KCNN3: variants seen among roughly 807,000 people sequenced by gnomAD.
KCNN3 encodes the protein potassium calcium-activated channel subfamily N member 3.
Under a neutral mutation model 62.9 loss-of-function variants are expected in KCNN3, and 16 were observed. That is an observed-to-expected ratio of 0.25 (90% CI 0.17 to 0.39). The LOEUF is 0.39. KCNN3 is among the 10% of genes least tolerant of loss of function. The pLI, the probability that KCNN3 is intolerant of heterozygous loss-of-function variation, is 1.00. For synonymous variants in KCNN3, 370 were observed against 389.2 expected, an observed-to-expected ratio of 0.95 and a Z score of 0.58; for missense variants, 599 against 949.4, an observed-to-expected ratio of 0.63 and a Z score of 4.85.
At chr1:154,725,725 A>G (rs539362520) in intron 5 of KCNN3, among the ~76,000 whole-genome samples, 191 bp downstream of exon 5, 1 of 152,082 alleles carries the variant, frequency 6.6e-6, no homozygotes, top group South Asian at 2.1e-4. Context: ...CTGTATTTTT[A>G]GTAGAGATGG....
chr1:154,815,315 G>A (rs1650616255), intron 2 of KCNN3, among the ~76,000 whole-genome samples: 1 of 152,224 alleles, frequency 6.6e-6, no homozygotes, highest in Admixed American at 6.5e-5. Context: ...GACAGGCACA[G>A]CTTCCTTCTC....
chr1:154,824,689 T>G (rs1651035612), intron 1 of KCNN3, among the ~76,000 whole-genome samples: 1 of 152,246 alleles, frequency 6.6e-6, no homozygotes, highest in African/African-American at 2.4e-5. Context: ...TTCAGCCCCT[T>G]ATTTATTTCT....
At chr1:154,731,436 T>A (rs988316306) in intron 4 of KCNN3, among the ~76,000 whole-genome samples, 1 of 152,196 alleles carries the variant, frequency 6.6e-6, no homozygotes, top group Admixed American at 6.5e-5. Context: ...GGAGAGAGCC[T>A]GGCCCCTCCT....
chr1:154,761,015 C>A (rs774036591), intron 3 of KCNN3, among the ~76,000 whole-genome samples: 6 of 152,250 alleles, frequency 3.9e-5, no homozygotes, highest in Non-Finnish European at 7.3e-5. Context: ...ACTTTCCACC[C>A]CGCGTTGATG....
In KCNN3 at chr1:154,772,941, A is replaced by C. The variant is rs57482361; in HGVS notation, c.1030-548T>G. On this transcript the variant is annotated intron_variant, in intron 2 of 7. Transcript: ENST00000271915. This position sits in a 1 kb window ranked among gnomAD's most constrained non-coding sequence, Gnocchi z 5.6. ...AGGTTGAGTTGATCACCAATGGCCA[A>C]TGATGTCATCAATTATGTCGGTGTA... Among the ~76,000 whole-genome samples the C allele has an allele frequency of 6.6e-6, 1 of 152,096 alleles. No individual in the cohort carries two copies. The highest frequency in any genetic ancestry group is 1.5e-5 in the Non-Finnish European group (1 of 68,020).
intron 2 of KCNN3, among the ~76,000 whole-genome samples, chr1:154,787,076 G>A (rs537609947): frequency 6.2e-4 from 95 of 152,328 alleles, no homozygotes; most frequent in Admixed American, 3.3e-3. Flanking sequence ...CTCATTACCA[G>A]ATCCACAGCC....
intron 2 of KCNN3, among the ~76,000 whole-genome samples, chr1:154,819,764 G>A (rs1035791699): frequency 2.2e-4 from 34 of 152,148 alleles, no homozygotes; most frequent in African/African-American, 7.5e-4. Context: ...GCAGGAGGAA[G>A]CCCAGCCACC....
rs1415875432 is a variant in KCNN3 at position 154,870,049 on chromosome 1, G to T, written c.-85C>A. ...CAAAGATGTCCTCAAAGAAAGCCAG[G>T]CATCCAATCTCCCCCACCAGTATCT... On this transcript the variant is annotated 5_prime_UTR_variant, in exon 1 of 8. Transcript: ENST00000271915. 2.1e-6 allele frequency: 3 copies of T among 1,446,234 alleles called. No individual in the cohort carries two copies. The highest frequency in any genetic ancestry group is 2.9e-6 in the Non-Finnish European group (3 of 1,049,222). The allele number at this position is 1,446,234 out of a possible 1,614,324, so 89.6% of individuals were successfully genotyped here.
At position 154,806,362 on chromosome 1, in the gene KCNN3, G is replaced by A. The variant is rs1395561; in HGVS notation, c.1029+15727C>T. On this transcript the variant is annotated intron_variant, in intron 2 of 7. Transcript: ENST00000271915. ...AGGAGAGTCCAAAATTAAAGTCACC[G>A]AAGTCTCTTGTTTGTGCCAGGCCCT... Among the ~76,000 whole-genome samples, 999 of 152,314 alleles carry A rather than the reference G, an allele frequency of 6.6e-3. 15 individuals are homozygous for A. The highest frequency in any genetic ancestry group is 0.023 in the African/African-American group (953 of 41,558).
chr1:154,742,372 G>A (rs955064324), intron 3 of KCNN3, among the ~76,000 whole-genome samples: 3 of 152,182 alleles, frequency 2.0e-5, no homozygotes, highest in Non-Finnish European at 2.9e-5. Context: ...AGGTTCCAGG[G>A]CCAGAACACC....
chr1:154,717,418 A>T (rs7528481), intron 5 of KCNN3, among the ~76,000 whole-genome samples: 1 of 152,190 alleles, frequency 6.6e-6, no homozygotes, highest in Non-Finnish European at 1.5e-5. Context: ...CCAGAATCAC[A>T]CAGCTAGCTA....
chr1:154,867,330 C>T (rs1018297187), intron 1 of KCNN3, among the ~76,000 whole-genome samples: 1 of 152,234 alleles, frequency 6.6e-6, no homozygotes, highest in Non-Finnish European at 1.5e-5. Flanking sequence ...CCAAGGGAAA[C>T]CCCACTCGCT....
At chr1:154,836,600 C>T (rs866166365) in intron 1 of KCNN3, among the ~76,000 whole-genome samples, 2 of 152,210 alleles carry the variant, frequency 1.3e-5, no homozygotes, top group African/African-American at 4.8e-5. Flanking sequence ...GTTTCTCTCA[C>T]GGGAAAGTTT....
intron 1 of KCNN3, among the ~76,000 whole-genome samples, chr1:154,823,243 G>A (rs945888779): frequency 1.3e-5 from 2 of 152,168 alleles, no homozygotes; most frequent in African/African-American, 4.8e-5. Context: ...TCCAAAGGAA[G>A]GCGGGAACAC....
In KCNN3 at chr1:154,705,522, C is replaced by T. The variant is rs1402824572; in HGVS notation, c.*2454G>A. ...TGGCTACTGCTACCAGAAATAACTC[C>T]AGTCACTCCCTTGACTAGTGTTGCT... is the stretch of plus-strand genomic sequence containing the variant. On this transcript the variant is annotated 3_prime_UTR_variant, in exon 8 of 8. Coordinates refer to ENST00000271915, the MANE Select transcript of KCNN3 (RefSeq NM_002249.6). 1.3e-5 allele frequency: 2 copies of T among 152,148 alleles called. No homozygotes were observed. The highest frequency in any genetic ancestry group is 2.9e-5 in the Non-Finnish European group (2 of 68,018). The allele number at this position is 152,148 out of a possible 1,614,324, so 9.4% of individuals were successfully genotyped here.
intron 2 of KCNN3, among the ~76,000 whole-genome samples, chr1:154,789,576 A>G (rs1649423610): frequency 6.6e-6 from 1 of 152,172 alleles, no homozygotes; most frequent in Non-Finnish European, 1.5e-5. Flanking sequence ...CGTCAGCTGA[A>G]CTGCCAAGTG....
At chr1:154,755,537 G>A (rs1263252793) in intron 3 of KCNN3, among the ~76,000 whole-genome samples, 2 of 107,044 alleles carry the variant, frequency 1.9e-5, no homozygotes, top group African/African-American at 6.4e-5. Flanking sequence ...GAAGAAGAAA[G>A]GAAAGGAAGG....
chr1:154,793,217 A>G (rs1300085751), intron 2 of KCNN3, among the ~76,000 whole-genome samples: 1 of 152,320 alleles, frequency 6.6e-6, no homozygotes, highest in East Asian at 1.9e-4. Context: ...GTTGTAAATG[A>G]AGTAGTGGGT....
Position 154,862,068 on chromosome 1 carries a change from G to A in KCNN3, c.933+6964C>T, listed in dbSNP as rs570361396. Among the ~76,000 whole-genome samples, 18 of 152,316 alleles carry A rather than the reference G, an allele frequency of 1.2e-4. No homozygotes were observed. The South Asian group carries it at 3.7e-3, about 32-fold the overall frequency. ...CTCAAGAATGAAAAAGAAACTTCTAGAACCAGGAATGGAGAAGCCCTTCGA... is the reference window on the plus strand; with the variant it reads ...CTCAAGAATGAAAAAGAAACTTCTAAAACCAGGAATGGAGAAGCCCTTCGA... On this transcript the variant is annotated intron_variant, in intron 1 of 7. Transcript: ENST00000271915. This position sits in a 1 kb window ranked among gnomAD's most constrained non-coding sequence, Gnocchi z 4.1.
Sources: allele counts gnomAD v4.1 joint callset (sites outside exome capture counted in the v4.1 genomes callset), GRCh38; gene constraint gnomAD v4.1.1; non-coding constraint Gnocchi (gnomAD v3.1); transcripts MANE v1.5; gene names NCBI Gene and HGNC (gene_info 2026-07-23, HGNC 2026-07-21).